Variants in SLC1A6 observed in about 807,000 individuals in gnomAD.
The protein encoded by SLC1A6 is solute carrier family 1 member 6.
In SLC1A6, 15 loss-of-function variants were observed where a neutral mutation model predicts 42.1. The observed-to-expected ratio is 0.36, with a 90% CI of 0.24 to 0.55. SLC1A6 has a LOEUF of 0.55. Ranked by LOEUF, SLC1A6 falls within the 20% of genes least tolerant of loss-of-function variation. SLC1A6 has a pLI of 0.88. For synonymous variants in SLC1A6, 317 were observed against 319.7 expected, an observed-to-expected ratio of 0.99 and a Z score of 0.09; for missense variants, 542 against 772.5, an observed-to-expected ratio of 0.70 and a Z score of 3.54.
At chr19:14,989,317 A>G (rs1156760235) in intron 1 of SLC1A6, among the ~76,000 whole-genome samples, 4 of 152,134 alleles carry the variant, frequency 2.6e-5, no homozygotes, top group Non-Finnish European at 5.9e-5. Flanking sequence ...GCTGGAGTGC[A>G]ATGGCGTGAT....
At chr19:15,000,782 C>T (rs1201010908) in intron 1 of SLC1A6, among the ~76,000 whole-genome samples, 4 of 152,178 alleles carry the variant, frequency 2.6e-5, no homozygotes, top group Admixed American at 6.5e-5. Flanking sequence ...GCCAACTTGT[C>T]ATAAGGACAC....
At chr19:14,972,641 C>T in intron 2 of SLC1A6, 65 bp downstream of exon 2, 1 of 1,387,498 alleles carries the variant, frequency 7.2e-7, no homozygotes, top group Non-Finnish European at 1.0e-6. Context: ...TGTGTAGAGG[C>T]CAGGAATTTC....
intron 1 of SLC1A6, among the ~76,000 whole-genome samples, chr19:15,002,549 T>C (rs2045876863): frequency 6.6e-6 from 1 of 152,296 alleles, no homozygotes; most frequent in South Asian, 2.1e-4. Flanking sequence ...TGCCATAGGC[T>C]GTTGGTTACA....
intron 4 of SLC1A6, among the ~76,000 whole-genome samples, 182 bp from the exon 5 acceptor site, chr19:14,964,543 A>T (rs1202288310): frequency 6.6e-6 from 1 of 152,150 alleles, no homozygotes; most frequent in East Asian, 1.9e-4. Flanking sequence ...AACCCTAGAC[A>T]TGAGTCCTAT....
chr19:14,962,073 C>T lies in SLC1A6; in HGVS notation c.864G>A (p.Lys288=). The T allele has an allele frequency of 6.2e-7, 1 of 1,614,200 alleles. No individual in the cohort carries two copies. Among genetic ancestry groups the T allele is most frequent in the Non-Finnish European group, 8.5e-7 (1 of 1,180,040 alleles). Residue 288 remains lysine (K), a synonymous_variant, in exon 6 of 10, where the codon AAG becomes AAA. Transcript: ENST00000594383. The stretch of plus-strand genomic sequence containing the variant: ...CGAAGAAGTCCCTGAGGACTCTGCC[C>T]TTGTGTTTCATGCCACCAATGACCA... ...FGLVIGGMKH[K]GRVLRDFFDS...
chr19:14,987,748 T>A (rs1329610934), intron 1 of SLC1A6, among the ~76,000 whole-genome samples: 1 of 152,162 alleles, frequency 6.6e-6, no homozygotes, highest in Non-Finnish European at 1.5e-5. Flanking sequence ...TCCCCCAGTA[T>A]GTTCCACAGC....
chr19:14,966,486 A>G (rs889635163), intron 4 of SLC1A6, among the ~76,000 whole-genome samples: 2 of 152,320 alleles, frequency 1.3e-5, no homozygotes, highest in South Asian at 4.1e-4. Flanking sequence ...AAATAAAAAT[A>G]AAAACAATTA....
chr19:15,005,635 A>C (rs1304337849), intron 1 of SLC1A6, among the ~76,000 whole-genome samples: 3 of 152,234 alleles, frequency 2.0e-5, no homozygotes, highest in Non-Finnish European at 4.4e-5. Context: ...AAGTTGATAT[A>C]GAGAATGGAA....
Position 14,956,685 on chromosome 19 carries a change from G to A in SLC1A6, c.960C>T (p.Phe320=), listed in dbSNP as rs368500043. ...IIWYAPVGIL[F]LIAGKILEME... ...TCTCCAGAATCTTCCCAGCAATCAGGAACAGGATGCCCACAGGTGCATACC... is the reference window on the plus strand; with the variant it reads ...TCTCCAGAATCTTCCCAGCAATCAGAAACAGGATGCCCACAGGTGCATACC... Residue 320 remains phenylalanine, a synonymous_variant, in exon 7 of 10, where the codon TTC becomes TTT. Transcript: ENST00000594383. The A allele has an allele frequency of 1.4e-5, 22 of 1,613,072 alleles. No homozygotes were observed. The highest frequency in any genetic ancestry group is 1.8e-5 in the Non-Finnish European group (21 of 1,179,508).
chr19:14,996,793 A>C (rs1485672890), intron 1 of SLC1A6, among the ~76,000 whole-genome samples: 1 of 152,030 alleles, frequency 6.6e-6, no homozygotes, highest in Non-Finnish European at 1.5e-5. Context: ...TCAATCAATC[A>C]AGCCATTAGG....
upstream of SLC1A6, chr19:14,980,196 T>C (rs62113320): frequency 0.35 from 53,256 of 152,204 alleles, 9,663 homozygotes; most frequent in African/African-American, 0.42. Context: ...TGAGCCTGGC[T>C]TCCTCCGCTA....
intron 1 of SLC1A6, among the ~76,000 whole-genome samples, chr19:14,999,511 A>C (rs2045863125): frequency 6.6e-6 from 1 of 152,258 alleles, no homozygotes; most frequent in Admixed American, 6.5e-5. Flanking sequence ...ACATGTCATC[A>C]GGACCTCTCC....
intron 4 of SLC1A6, 108 bp downstream of exon 4, chr19:14,968,195 G>T: frequency 2.2e-6 from 2 of 891,232 alleles, no homozygotes; most frequent in Non-Finnish European, 3.4e-6. Flanking sequence ...TTGACCGGAC[G>T]CATGCTTCCC....
At chr19:15,007,721 G>A (rs937745480) in intron 1 of SLC1A6, among the ~76,000 whole-genome samples, 2 of 151,966 alleles carry the variant, frequency 1.3e-5, no homozygotes, top group Non-Finnish European at 2.9e-5. Flanking sequence ...TCAGAGAAAT[G>A]CCAATTAAAA....
At chr19:14,996,588 C>CTTCT (rs1555710449) in intron 1 of SLC1A6, among the ~76,000 whole-genome samples, 8 of 150,524 alleles carry the variant, frequency 5.3e-5, no homozygotes, top group Admixed American at 1.3e-4. Flanking sequence ...TCTTCTTCCT[C>CTTCT]TCATTGTACC....
At chr19:15,009,259 T>G (rs2045912757) in intron 1 of SLC1A6, among the ~76,000 whole-genome samples, 1 of 151,558 alleles carries the variant, frequency 6.6e-6, no homozygotes, top group African/African-American at 2.4e-5. Context: ...ATATATCACA[T>G]AGATATCTAT....
intron 3 of SLC1A6, among the ~76,000 whole-genome samples, chr19:14,970,310 A>G (rs1288162238): frequency 6.6e-6 from 1 of 152,070 alleles, no homozygotes; most frequent in East Asian, 1.9e-4. Flanking sequence ...GGCTCAAGCA[A>G]TTCTCCTGCC....
intron 2 of SLC1A6, among the ~76,000 whole-genome samples, chr19:14,972,291 CTCA>C (rs2045649098): frequency 6.6e-6 from 1 of 152,140 alleles, no homozygotes; most frequent in African/African-American, 2.4e-5. Context: ...TGTTCTTAAG[CTCA>C]TAAGTGTGTG....
intron 1 of SLC1A6, among the ~76,000 whole-genome samples, chr19:14,988,352 C>T (rs2045802824): frequency 6.6e-6 from 1 of 152,158 alleles, no homozygotes; most frequent in Admixed American, 6.6e-5. Context: ...CCCTAAAATG[C>T]ATGAGGCTAG....
Sources: allele counts gnomAD v4.1 joint callset (sites outside exome capture counted in the v4.1 genomes callset), GRCh38; gene constraint gnomAD v4.1.1; transcripts MANE v1.5; gene names NCBI Gene and HGNC (gene_info 2026-07-23, HGNC 2026-07-21).